The following INSR variants were observed in gnomAD, a reference collection of about 807,000 sequenced individuals.
INSR encodes the protein insulin receptor, also known as IR.
In INSR, 67 loss-of-function variants were observed where a neutral mutation model predicts 142.6. The ratio of observed to expected loss-of-function variants is 0.47; its 90% CI spans 0.39 to 0.58. The LOEUF (loss-of-function observed/expected upper bound fraction) is 0.58. Among genes scored for constraint, INSR ranks in the 20% least tolerant of loss-of-function variants. The pLI is 0.00. For missense variants in INSR, 1,248 were observed against 1,833.2 expected (o/e 0.68, Z 5.83); for synonymous variants, 756 against 743.1 (o/e 1.02, Z -0.28).
At chr19:7,232,549 C>T (rs941672462) in intron 2 of INSR, among the ~76,000 whole-genome samples, 9 of 152,154 alleles carry the variant, frequency 5.9e-5, no homozygotes, top group African/African-American at 9.7e-5. Flanking sequence ...CCCAGTGGCT[C>T]GCACCTGTAA....
At chr19:7,264,486 T>C (rs886187204) in intron 2 of INSR, among the ~76,000 whole-genome samples, 3 of 148,974 alleles carry the variant, frequency 2.0e-5, no homozygotes, top group Non-Finnish European at 4.4e-5. Flanking sequence ...TATCTCAAGA[T>C]AGGTAGGCCT....
rs1349822249 is a variant in INSR, at chr19:7,122,935, G to A, written c.3313C>T (p.Leu1105=). Residue 1105 remains leucine (L), a synonymous_variant, in exon 18 of 22, where the codon CTG becomes TTG. Transcript: ENST00000302850. Reference sequence around the variant, plus strand: ...CTCTTCAGGTCTCCGTGAGCCATCAGCTCCATCACCACCAGCGTGGGCTGG... The same window carrying A: ...CTCTTCAGGTCTCCGTGAGCCATCAACTCCATCACCACCAGCGTGGGCTGG... ...KGQPTLVVME[L]MAHGDLKSYL... 6.2e-7 allele frequency: 1 copy of A among 1,608,680 alleles called. No individual in the cohort carries two copies. Among genetic ancestry groups the A allele is most frequent in the Admixed American group, 1.7e-5 (1 of 59,464 alleles).
In INSR at chr19:7,150,342, T is replaced by C. The variant is rs181577818; in HGVS notation, c.2267+155A>G. ...CAGATTTCATTTCAGAGTGAAGGCATTGGATTTCTGAATTGGTGAAGCATC... is the reference window on the plus strand; with the variant it reads ...CAGATTTCATTTCAGAGTGAAGGCACTGGATTTCTGAATTGGTGAAGCATC... On this transcript the variant is annotated intron_variant, in intron 11 of 21. Coordinates refer to ENST00000302850, the MANE Select transcript of INSR (RefSeq NM_000208.4). This position sits in a 1 kb window ranked among gnomAD's most constrained non-coding sequence, Gnocchi z 4.2. Among the ~76,000 whole-genome samples the C allele has an allele frequency of 5.4e-4, 82 of 152,320 alleles. No homozygotes were observed. Among genetic ancestry groups the C allele is most frequent in the Middle Eastern group, 6.8e-3 (2 of 294 alleles).
intron 1 of INSR, among the ~76,000 whole-genome samples, chr19:7,287,375 G>T (rs755049595): frequency 2.6e-5 from 4 of 151,700 alleles, no homozygotes; most frequent in Non-Finnish European, 5.9e-5. Context: ...TGGTCAGGCT[G>T]GTCTCGAACT....
At chr19:7,288,950 GAA>G (rs34590794) in intron 1 of INSR, among the ~76,000 whole-genome samples, 3,008 of 88,644 alleles carry the variant, frequency 0.034, 85 homozygotes, top group African/African-American at 0.099. Context: ...GTGAAGAAGT[GAA>G]AAAAAAAAAA....
rs1024678296 is a variant in INSR at position 7,150,259 on chromosome 19, C to T, written c.2267+238G>A. Among the ~76,000 whole-genome samples, 2 of 152,206 alleles carry T rather than the reference C, an allele frequency of 1.3e-5. No individual in the cohort carries two copies. The highest frequency in any genetic ancestry group is 2.9e-5 in the Non-Finnish European group (2 of 68,032). On this transcript the variant is annotated intron_variant, in intron 11 of 21. Transcript: ENST00000302850. This position sits in a 1 kb window ranked among gnomAD's most constrained non-coding sequence, Gnocchi z 4.2. ...GGAGGGGGTACCCAGGAAGCACTCC[C>T]ATGATTCTATGTTTTAGCAAGAGTG... is the stretch of plus-strand genomic sequence containing the variant.
intron 3 of INSR, among the ~76,000 whole-genome samples, chr19:7,179,952 C>T (rs766448224): frequency 2.0e-5 from 3 of 152,174 alleles, no homozygotes; most frequent in Admixed American, 2.0e-4. Context: ...CAAGCTGAGG[C>T]TTGAAAAGCA....
At chr19:7,227,330 T>C (rs1975819164) in intron 2 of INSR, among the ~76,000 whole-genome samples, 2 of 151,790 alleles carry the variant, frequency 1.3e-5, no homozygotes, top group African/African-American at 4.8e-5. Context: ...TGGAGTGCAG[T>C]GGCGTGATCA....
chr19:7,284,178 C>T (rs1968283863), intron 1 of INSR, among the ~76,000 whole-genome samples: 1 of 151,786 alleles, frequency 6.6e-6, no homozygotes, highest in Admixed American at 6.6e-5. Context: ...AATTCTTGTG[C>T]CTTAGCCTCC....
At chr19:7,176,287 C>T (rs1298904906) in intron 3 of INSR, among the ~76,000 whole-genome samples, 2 of 152,110 alleles carry the variant, frequency 1.3e-5, no homozygotes, top group Non-Finnish European at 2.9e-5. Flanking sequence ...TGAGTTCTCA[C>T]GAGATCTGGT....
intron 2 of INSR, among the ~76,000 whole-genome samples, chr19:7,219,377 T>C (rs1030652858): frequency 6.6e-6 from 1 of 151,868 alleles, no homozygotes; most frequent in African/African-American, 2.4e-5. Context: ...CACATGTTGC[T>C]CTGATTGTCA....
At chr19:7,118,875 A>G (rs1972406268) in intron 21 of INSR, among the ~76,000 whole-genome samples, 1 of 140,618 alleles carries the variant, frequency 7.1e-6, no homozygotes, top group Admixed American at 8.1e-5. Flanking sequence ...AGCTCGCACC[A>G]CTGCACTCCA....
chr19:7,124,541 G>A (rs150603097), intron 17 of INSR, among the ~76,000 whole-genome samples: 1,644 of 9,904 alleles, frequency 0.17, 461 homozygotes, highest in South Asian at 0.32. Context: ...TCCGTTTCAG[G>A]AAAAAAAAAA....
chr19:7,196,068 T>C lies in INSR; in HGVS notation c.653-11431A>G, dbSNP rs1275876294. The stretch of plus-strand genomic sequence containing the variant: ...CTCCTGCCTCAGCCTCCCGAGTAGC[T>C]GGGATTACAGGCATGTGCCACCACG... On this transcript the variant is annotated intron_variant, in intron 2 of 21. Transcript: ENST00000302850. Among the ~76,000 whole-genome samples, 4 of 152,190 alleles carry C rather than the reference T, an allele frequency of 2.6e-5. No individual in the cohort carries two copies. In the East Asian group the frequency reaches 7.7e-4, roughly 29 times the overall value.
At position 7,119,611 on chromosome 19, in the gene INSR, A is replaced by C; in HGVS notation, c.3660-28T>G. 1 of 1,613,352 alleles carries C rather than the reference A, an allele frequency of 6.2e-7. No homozygotes were observed. The highest frequency in any genetic ancestry group is 8.5e-7 in the Non-Finnish European group (1 of 1,179,914). ...GCCGATGACAGTTGATAGTAGTAAC[A>C]AAGAAGCCATTTAGACACACACACA... On this transcript the variant is annotated intron_variant, in intron 20 of 21. Transcript: ENST00000302850. This position sits in a 1 kb window ranked among gnomAD's most constrained non-coding sequence, Gnocchi z 5.2.
At position 7,125,480 on chromosome 19, in the gene INSR, C is replaced by CT. The variant is rs1568430301; in HGVS notation, c.3060dup (p.Glu1021ArgfsTer19). The CT allele has an allele frequency of 6.2e-7, 1 of 1,614,130 alleles. No homozygotes were observed. Among genetic ancestry groups the CT allele is most frequent in the Non-Finnish European group, 8.5e-7 (1 of 1,180,032 alleles). On this transcript the variant is annotated frameshift_variant, in exon 17 of 22. Transcript: ENST00000302850. LOFTEE classifies it high-confidence loss of function. The surrounding 1 kb of genome is among the most constrained non-coding windows in gnomAD (Gnocchi z 4.9). ...AGCTCTCGAAGGAGGGTGATCTTCT[C>CT]TCGAGACACCTCCCACTCGTCCGGC...
chr19:7,274,795 A>G (rs1311344886), intron 1 of INSR, among the ~76,000 whole-genome samples: 2 of 141,816 alleles, frequency 1.4e-5, no homozygotes, highest in Non-Finnish European at 3.1e-5. Context: ...ACAGAGTGAG[A>G]CTGTGTCTCA....
At chr19:7,285,556 T>C (rs932122349) in intron 1 of INSR, among the ~76,000 whole-genome samples, 5 of 152,192 alleles carry the variant, frequency 3.3e-5, no homozygotes, top group South Asian at 4.1e-4. Flanking sequence ...GGATCGTTGA[T>C]GCTCAAGAGT....
chr19:7,158,367 G>T (rs556647556), intron 9 of INSR, among the ~76,000 whole-genome samples: 2 of 152,098 alleles, frequency 1.3e-5, no homozygotes, highest in Non-Finnish European at 2.9e-5. Context: ...CGGGCGTGGT[G>T]GCGGGCGCCT....
Sources: allele counts gnomAD v4.1 joint callset (sites outside exome capture counted in the v4.1 genomes callset), GRCh38; gene constraint gnomAD v4.1.1; non-coding constraint Gnocchi (gnomAD v3.1); transcripts MANE v1.5; gene names NCBI Gene and HGNC (gene_info 2026-07-23, HGNC 2026-07-21).